The following MAPRE2 variants were observed in gnomAD, a reference collection of about 807,000 sequenced individuals.
MAPRE2 encodes the protein microtubule associated protein RP/EB family member 2.
In MAPRE2, 13 loss-of-function variants were observed where a neutral mutation model predicts 43.2. That is an observed-to-expected ratio of 0.30 (90% CI 0.20 to 0.48). The LOEUF (loss-of-function observed/expected upper bound fraction) is 0.48, where lower values mean the gene tolerates loss of function less well. Ranked by LOEUF, MAPRE2 falls within the 20% of genes least tolerant of loss-of-function variation. MAPRE2 has a pLI of 0.99. For synonymous variants in MAPRE2, 135 were observed against 148.8 expected, an observed-to-expected ratio of 0.91 and a Z score of 0.68; for missense variants, 161 against 400.2, an observed-to-expected ratio of 0.40 and a Z score of 5.10.
chr18:35,076,954 A>G (rs370549477), intron 2 of MAPRE2, among the ~76,000 whole-genome samples: 1 of 152,200 alleles, frequency 6.6e-6, no homozygotes, highest in South Asian at 2.1e-4. Context: ...ACATCCTATT[A>G]CCCATTTCTG....
intron 1 of MAPRE2, among the ~76,000 whole-genome samples, chr18:35,004,854 C>T (rs988871487): frequency 7.9e-5 from 12 of 151,566 alleles, no homozygotes; most frequent in Non-Finnish European, 1.5e-4. Context: ...GGAGGCAGAG[C>T]CTGCAGTGAG....
intron 1 of MAPRE2, among the ~76,000 whole-genome samples, chr18:34,978,735 C>T (rs1273380524): frequency 6.6e-6 from 1 of 152,044 alleles, no homozygotes; most frequent in Non-Finnish European, 1.5e-5. Context: ...ATAAGAGGTC[C>T]GGGAGCTCAC....
chr18:35,038,704 C>T (rs935962935), upstream of MAPRE2, among the ~76,000 whole-genome samples: 1 of 152,224 alleles, frequency 6.6e-6, no homozygotes, highest in Non-Finnish European at 1.5e-5. Context: ...TTTGCCCTCC[C>T]TTTTCCCTAG....
chr18:35,095,852 T>C (rs1294341363), intron 2 of MAPRE2, among the ~76,000 whole-genome samples: 6 of 152,038 alleles, frequency 3.9e-5, no homozygotes, highest in Non-Finnish European at 7.4e-5. Flanking sequence ...TCTTTTTTTT[T>C]CCTTTGATTT....
intron 1 of MAPRE2, among the ~76,000 whole-genome samples, chr18:35,064,737 G>A (rs1366816207): frequency 1.3e-5 from 2 of 152,170 alleles, no homozygotes; most frequent in African/African-American, 4.8e-5. Flanking sequence ...GAAATACAGT[G>A]TCTAATGTGT....
intron 1 of MAPRE2, among the ~76,000 whole-genome samples, chr18:34,983,776 C>T (rs1461631387): frequency 1.3e-5 from 2 of 152,080 alleles, no homozygotes; most frequent in Admixed American, 6.6e-5. Context: ...ATTACAGGCA[C>T]ATGCCACCAT....
chr18:35,028,196 C>T (rs2097046229), intron 2 of MAPRE2, among the ~76,000 whole-genome samples: 1 of 152,178 alleles, frequency 6.6e-6, no homozygotes, highest in South Asian at 2.1e-4. Context: ...GAAATAAATC[C>T]AACCTCTAGA....
chr18:35,050,904 G>T (rs1374710911), intron 1 of MAPRE2, among the ~76,000 whole-genome samples: 2 of 152,136 alleles, frequency 1.3e-5, no homozygotes, highest in African/African-American at 4.8e-5. Context: ...CCCCCAGGGA[G>T]ACTGACCAAT....
intron 2 of MAPRE2, among the ~76,000 whole-genome samples, chr18:35,088,372 G>A (rs1026194546): frequency 6.6e-6 from 1 of 152,168 alleles, no homozygotes; most frequent in African/African-American, 2.4e-5. Context: ...GAACAGCAAG[G>A]AAGCCAGCAT....
chr18:35,021,926 G>T (rs1168550980), intron 2 of MAPRE2, among the ~76,000 whole-genome samples: 1 of 152,044 alleles, frequency 6.6e-6, no homozygotes, highest in Non-Finnish European at 1.5e-5. Context: ...GAATAAAAGA[G>T]ATGTTAGAGC....
intron 2 of MAPRE2, among the ~76,000 whole-genome samples, chr18:35,016,974 A>G (rs537214328): frequency 1.3e-5 from 2 of 152,178 alleles, no homozygotes; most frequent in South Asian, 4.1e-4. Flanking sequence ...TAACTTTTGT[A>G]TATAGTGAAA....
intron 2 of MAPRE2, among the ~76,000 whole-genome samples, chr18:35,007,412 A>G (rs971620921): frequency 2.0e-5 from 3 of 152,194 alleles, no homozygotes; most frequent in Admixed American, 6.5e-5. Context: ...CTCCTTATAT[A>G]TGGGGGTATG....
At chr18:35,105,010 A>AT (rs909301365) in intron 4 of MAPRE2, among the ~76,000 whole-genome samples, 5 of 152,002 alleles carry the variant, frequency 3.3e-5, no homozygotes, top group African/African-American at 1.2e-4. Context: ...CCTGTCCTTA[A>AT]TTTTTTTCTC....
At chr18:35,015,558 C>T (rs549080891) in intron 2 of MAPRE2, among the ~76,000 whole-genome samples, 1 of 151,576 alleles carries the variant, frequency 6.6e-6, no homozygotes, top group East Asian at 1.9e-4. Context: ...TCTACCCTAA[C>T]GAATCACGTT....
At chr18:34,995,885 T>C (rs1488266262) in intron 1 of MAPRE2, among the ~76,000 whole-genome samples, 1 of 152,120 alleles carries the variant, frequency 6.6e-6, no homozygotes, top group African/African-American at 2.4e-5. Flanking sequence ...CAACTCAAGG[T>C]GTGGTCTTTA....
intron 4 of MAPRE2, among the ~76,000 whole-genome samples, chr18:35,118,782 A>G (rs1016953251): frequency 1.3e-5 from 2 of 151,816 alleles, no homozygotes; most frequent in African/African-American, 4.8e-5. Flanking sequence ...CTGTCTACCT[A>G]CAGTATCCCA....
chr18:34,981,758 A>C (rs2150569179), intron 1 of MAPRE2, among the ~76,000 whole-genome samples: 1 of 152,276 alleles, frequency 6.6e-6, no homozygotes, highest in East Asian at 1.9e-4. Flanking sequence ...GTTTTCATGT[A>C]GTCTTGCCTG....
rs138952010 is a variant in MAPRE2 at position 34,993,387 on chromosome 18, G to A, written c.-69-12105G>A. On this transcript the variant is annotated intron_variant, in intron 1 of 7. Coordinates refer to the MAPRE2 transcript ENST00000413393. ...CAAAGTGTTGGGATTACAGGCATGA[G>A]CCATTGTGCCTGGCCCAGGCACTGA... is the stretch of plus-strand genomic sequence containing the variant. Among the ~76,000 whole-genome samples, 963 of 151,750 alleles carry A rather than the reference G, an allele frequency of 6.3e-3. 9 individuals carry two copies. Among genetic ancestry groups the A allele is most frequent in the African/African-American group, 0.022 (891 of 41,348 alleles).
intron 1 of MAPRE2, among the ~76,000 whole-genome samples, chr18:34,984,791 A>AT (rs1568960770): frequency 9.4e-4 from 103 of 109,194 alleles, no homozygotes; most frequent in African/African-American, 3.4e-3. Flanking sequence ...ATATATAGTT[A>AT]TATATTATAT....
Sources: gnomAD v4.1 joint callset for allele counts (sites outside exome capture counted in the v4.1 genomes callset) on GRCh38, gnomAD v4.1.1 for gene constraint, MANE v1.5 for transcripts, NCBI Gene and HGNC (gene_info 2026-07-23, HGNC 2026-07-21) for gene names.